PPFIA2: variants seen among roughly 807,000 people sequenced by gnomAD.
PPFIA2 encodes PPFI scaffold protein A2, also known as liprin-alpha-2.
A neutral mutation model predicts 175.5 loss-of-function variants in PPFIA2; 46 were observed. The ratio of observed to expected loss-of-function variants is 0.26; its 90% CI spans 0.21 to 0.34. The LOEUF is 0.34. Ranked by LOEUF, PPFIA2 falls within the 10% of genes least tolerant of loss-of-function variation. The pLI is 1.00. For synonymous variants in PPFIA2, 568 were observed against 511.4 expected (o/e 1.11, Z -1.49); for missense variants, 1,179 against 1,506.1 (o/e 0.78, Z 3.60).
At chr12:81,519,176 T>A (rs2062814770) in intron 4 of PPFIA2, among the ~76,000 whole-genome samples, 1 of 152,170 alleles carries the variant, frequency 6.6e-6, no homozygotes, top group Non-Finnish European at 1.5e-5. Flanking sequence ...TTTCAAAGAT[T>A]AAAAATATAT....
chr12:81,446,757 A>T (rs1193931484), intron 5 of PPFIA2, among the ~76,000 whole-genome samples: 1 of 152,140 alleles, frequency 6.6e-6, no homozygotes, highest in African/African-American at 2.4e-5. Flanking sequence ...AAAGAAAACA[A>T]CTTTATTTTT....
At chr12:81,745,798 G>A (rs2082966009) in intron 3 of PPFIA2, among the ~76,000 whole-genome samples, 1 of 152,128 alleles carries the variant, frequency 6.6e-6, no homozygotes. Flanking sequence ...GCTGCTTTTA[G>A]ATTTTAGACT....
chr12:81,587,350 T>C lies in PPFIA2; in HGVS notation c.303+89441A>G, dbSNP rs533208336. Among the ~76,000 whole-genome samples the C allele has an allele frequency of 5.9e-5, 9 of 152,082 alleles. No homozygotes were observed. The East Asian group carries it at 1.7e-3, about 29-fold the overall frequency. On this transcript the variant is annotated intron_variant, in intron 4 of 32. Transcript: ENST00000549396. Reference sequence around the variant, plus strand: ...CAGTTCTTCCTTCACACTTTCTCTCTCTTGCCTGCCACTTGTAAGACGTGC... The same window carrying C: ...CAGTTCTTCCTTCACACTTTCTCTCCCTTGCCTGCCACTTGTAAGACGTGC...
intron 4 of PPFIA2, among the ~76,000 whole-genome samples, chr12:81,596,227 A>G (rs193123140): frequency 6.6e-6 from 1 of 151,952 alleles, no homozygotes; most frequent in Non-Finnish European, 1.5e-5. Context: ...TTTTGGAAAA[A>G]AAAAAGCCAA....
intron 21 of PPFIA2, among the ~76,000 whole-genome samples, chr12:81,329,696 G>T (rs2055685163): frequency 6.6e-6 from 1 of 152,192 alleles, no homozygotes; most frequent in Admixed American, 6.5e-5. Context: ...CTGGTCGAGT[G>T]CATGCGTGGC....
At chr12:81,571,832 A>G (rs1215829070) in intron 4 of PPFIA2, among the ~76,000 whole-genome samples, 1 of 152,112 alleles carries the variant, frequency 6.6e-6, no homozygotes. Flanking sequence ...GTGACAAGCA[A>G]CAATTTTTGT....
At chr12:81,551,591 T>C (rs1055741849) in intron 4 of PPFIA2, among the ~76,000 whole-genome samples, 30 of 152,046 alleles carry the variant, frequency 2.0e-4, no homozygotes, top group Admixed American at 1.9e-3. Flanking sequence ...TAAGCATCCA[T>C]GGATTTTGGT....
At chr12:81,548,641 G>T (rs1267232872) in intron 4 of PPFIA2, among the ~76,000 whole-genome samples, 1 of 151,882 alleles carries the variant, frequency 6.6e-6, no homozygotes, top group Non-Finnish European at 1.5e-5. Context: ...CTTAAATTGG[G>T]ATATATTAAT....
chr12:81,459,584 T>A (rs186571263), intron 4 of PPFIA2, among the ~76,000 whole-genome samples: 2 of 152,254 alleles, frequency 1.3e-5, no homozygotes, highest in East Asian at 3.9e-4. Context: ...ATCAAACTTT[T>A]TACAATGGAG....
chr12:81,753,867 G>T, intron 3 of PPFIA2, 106 bp downstream of exon 3: 1 of 1,373,584 alleles, frequency 7.3e-7, no homozygotes, highest in Non-Finnish European at 9.9e-7. Context: ...CAAAACGTGT[G>T]TATCACATAT....
chr12:81,632,306 C>T (rs1387118940), intron 4 of PPFIA2, among the ~76,000 whole-genome samples: 4 of 151,924 alleles, frequency 2.6e-5, no homozygotes, highest in Admixed American at 1.3e-4. Context: ...TTTGGCAATG[C>T]TAGTTTTGTT....
In PPFIA2 at chr12:81,692,049, G is replaced by A. The variant is rs1034224725; in HGVS notation, c.250-15205C>T. On this transcript the variant is annotated intron_variant, in intron 3 of 32. Transcript: ENST00000549396. ...TCTCTCCTGTGATTAGGTTACTATAGACTGACTTTCTCTCTTCCTCTCTCT... is the reference window on the plus strand; with the variant it reads ...TCTCTCCTGTGATTAGGTTACTATAAACTGACTTTCTCTCTTCCTCTCTCT... 4.0e-5 allele frequency among the ~76,000 whole-genome samples: 6 copies of A among 150,814 alleles called. No individual in the cohort carries two copies. The South Asian group carries it at 6.3e-4, about 16-fold the overall frequency.
intron 6 of PPFIA2, among the ~76,000 whole-genome samples, chr12:81,443,466 G>A (rs1040455181): frequency 6.6e-6 from 1 of 151,276 alleles, no homozygotes; most frequent in African/African-American, 2.4e-5. Flanking sequence ...AACTCATATA[G>A]TTATGCTAAA....
At chr12:81,704,106 G>C (rs542983850) in intron 3 of PPFIA2, among the ~76,000 whole-genome samples, 49 of 152,242 alleles carry the variant, frequency 3.2e-4, no homozygotes, top group South Asian at 1.4e-3. Context: ...CTTAGTTCTA[G>C]TACATTTCCT....
intron 4 of PPFIA2, among the ~76,000 whole-genome samples, chr12:81,527,451 C>T (rs1237257263): frequency 6.6e-6 from 1 of 151,946 alleles, no homozygotes; most frequent in African/African-American, 2.4e-5. Flanking sequence ...TAGTCTCTTT[C>T]AAAGCCTTCT....
chr12:81,432,325 C>T (rs905536680), intron 7 of PPFIA2, among the ~76,000 whole-genome samples: 6 of 152,122 alleles, frequency 3.9e-5, no homozygotes, highest in Admixed American at 6.5e-5. Context: ...TGGTCTCACA[C>T]TCCTGAGTTC....
At chr12:81,409,682 C>A (rs1463037516) in intron 7 of PPFIA2, among the ~76,000 whole-genome samples, 1 of 152,002 alleles carries the variant, frequency 6.6e-6, no homozygotes, top group African/African-American at 2.4e-5. Context: ...TCTGTTATAG[C>A]AACACAAAAC....
intron 5 of PPFIA2, among the ~76,000 whole-genome samples, chr12:81,446,646 C>T (rs879425874): frequency 1.3e-5 from 2 of 152,106 alleles, no homozygotes; most frequent in Non-Finnish European, 2.9e-5. Flanking sequence ...CATAGGCTAA[C>T]AAGTGGTGTC....
chr12:81,418,806 T>C (rs2045771167), intron 7 of PPFIA2, among the ~76,000 whole-genome samples: 1 of 151,940 alleles, frequency 6.6e-6, no homozygotes. Flanking sequence ...TTCACATAAG[T>C]ACAAAGAAAA....
Sources: gnomAD v4.1 joint callset for allele counts (sites outside exome capture counted in the v4.1 genomes callset) on GRCh38, gnomAD v4.1.1 for gene constraint, MANE v1.5 for transcripts, NCBI Gene and HGNC (gene_info 2026-07-23, HGNC 2026-07-21) for gene names.